Variants in PGAP3 observed in about 807,000 individuals in gnomAD.
PGAP3 encodes the protein post-GPI attachment to proteins phospholipase 3, also known as GPI-specific phospholipase A2-like PGAP3.
A neutral mutation model predicts 40.3 loss-of-function variants in PGAP3; 31 were observed. The observed-to-expected ratio is 0.77, with a 90% CI of 0.58 to 1.04. The LOEUF (loss-of-function observed/expected upper bound fraction) is 1.04. Among genes scored for constraint, PGAP3 ranks in the 50% least tolerant of loss-of-function variants. The probability of loss-of-function intolerance (pLI) is 0.00; values close to 1 mark genes in which losing one functional copy is unlikely to be tolerated. For synonymous variants in PGAP3, 191 were observed against 184.5 expected, an observed-to-expected ratio of 1.04 and a Z score of -0.29; for missense variants, 413 against 423.0, an observed-to-expected ratio of 0.98 and a Z score of 0.21.
rs905818483 is a variant in PGAP3, at chr17:39,682,530, G to T, written c.432+2067C>A. 3.9e-5 allele frequency among the ~76,000 whole-genome samples: 6 copies of T among 152,254 alleles called. 1 individual carries two copies. The South Asian group carries it at 1.2e-3, about 32-fold the overall frequency. On this transcript the variant is annotated intron_variant, in intron 3 of 7. Transcript: ENST00000300658. ...CTGGCATACAGTATGAGCTATGTAT[G>T]TATTTGTTAAGGAAATAAATTTTTA...
At chr17:39,676,150 G>A (rs2057372741) in intron 3 of PGAP3, among the ~76,000 whole-genome samples, 1 of 152,212 alleles carries the variant, frequency 6.6e-6, no homozygotes, top group Non-Finnish European at 1.5e-5. Context: ...CTCAGACACT[G>A]CTCCCACAGT....
At chr17:39,674,369 G>T (rs2057349279) in intron 4 of PGAP3, among the ~76,000 whole-genome samples, 1 of 152,142 alleles carries the variant, frequency 6.6e-6, no homozygotes, top group Admixed American at 6.5e-5. Context: ...CACTGGCTGG[G>T]TGCCCCTAAG....
Position 39,687,932 on chromosome 17 carries a change from A to C in PGAP3, c.83T>G (p.Val28Gly). ...GCACTGCAGTACGCAGTCGCGGTAC[A>C]CCGGCTCACGGTCGCCCTGGGAGCC... ...ASGSQGDREP[V>G]YRDCVLQCEE... Residue 28 changes from valine to glycine, a missense_variant, in exon 1 of 8, where the codon GTG becomes GGG. Transcript: ENST00000300658. The C allele has an allele frequency of 1.3e-6, 2 of 1,494,486 alleles. No individual in the cohort carries two copies. The highest frequency in any genetic ancestry group is 1.8e-6 in the Non-Finnish European group (2 of 1,109,588). The allele number at this position is 1,494,486 out of a possible 1,614,324, so 92.6% of individuals were successfully genotyped here.
In PGAP3 at chr17:39,673,265, A is replaced by G. The variant is rs2057332742; in HGVS notation, c.695-10T>C. 1.3e-6 allele frequency: 2 copies of G among 1,556,502 alleles called. No individual in the cohort carries two copies. The highest frequency in any genetic ancestry group is 1.4e-5 in the African/African-American group (1 of 73,232). ...ACCACGTTGACCAGGCCTGGGTGCC[A>G]GTGGGGGCAGGAGAGACTCATTCCT... On this transcript the variant is annotated splice_polypyrimidine_tract_variant and intron_variant, in intron 6 of 7. Coordinates refer to ENST00000300658, the MANE Select transcript of PGAP3 (RefSeq NM_033419.5).
chr17:39,676,575 CT>C (rs1555609220), intron 3 of PGAP3: 1 of 152,200 alleles, frequency 6.6e-6, no homozygotes, highest in Non-Finnish European at 1.5e-5. Context: ...CCCCTCCCCC[CT>C]GGGGAGCATC....
chr17:39,682,589 A>AAGT (rs1428987519), intron 3 of PGAP3, among the ~76,000 whole-genome samples: 1 of 152,164 alleles, frequency 6.6e-6, no homozygotes, highest in Non-Finnish European at 1.5e-5. Context: ...AACACAGCTC[A>AAGT]AGTGTACTTC....
intron 3 of PGAP3, among the ~76,000 whole-genome samples, chr17:39,679,654 C>T (rs1015950602): frequency 6.6e-6 from 1 of 152,166 alleles, no homozygotes; most frequent in African/African-American, 2.4e-5. Context: ...TGCTTCGCTC[C>T]AAGAGGCCTA....
At position 39,681,958 on chromosome 17, in the gene PGAP3, T is replaced by C. The variant is rs1012490725; in HGVS notation, c.432+2639A>G. Among the ~76,000 whole-genome samples the C allele has an allele frequency of 2.6e-5, 4 of 151,708 alleles. No individual in the cohort carries two copies. In the South Asian group the frequency reaches 6.3e-4, roughly 24 times the overall value. On this transcript the variant is annotated intron_variant, in intron 3 of 7. Transcript: ENST00000300658. ...GATGTGGGCCGGGCGCAGTGGCTCA[T>C]GCCTGTAATCTCAGCACTTTGGGAG...
At position 39,684,803 on chromosome 17, in the gene PGAP3, C is replaced by T. The variant is rs1424145622; in HGVS notation, c.280-54G>A. On this transcript the variant is annotated intron_variant, in intron 2 of 7. Coordinates refer to ENST00000300658, the MANE Select transcript of PGAP3 (RefSeq NM_033419.5). ...GAAGGGCAGGCAACCCTCAACTGGC[C>T]CAGTCCACCTATTCTTGACATGCTG... is the stretch of plus-strand genomic sequence containing the variant. The T allele has an allele frequency of 7.3e-6, 11 of 1,499,054 alleles. No homozygotes were observed. In the African/African-American group the frequency reaches 1.1e-4, roughly 15 times the overall value. The allele number at this position is 1,499,054 out of a possible 1,614,324, so 92.9% of individuals were successfully genotyped here. A position where few individuals can be genotyped will look rare whatever the true frequency, so the allele number is the denominator to read the frequency against.
At chr17:39,687,764 A>AGGCGTATTGGG in intron 1 of PGAP3, 70 bp downstream of exon 1, 1 of 1,177,040 alleles carries the variant, frequency 8.5e-7, no homozygotes, top group African/African-American at 1.7e-5. Flanking sequence ...GGGATTGCAG[A>AGGCGTATTGGG]GGCGTATTGG....
At chr17:39,678,463 C>T (rs776689979) in intron 3 of PGAP3, among the ~76,000 whole-genome samples, 4 of 152,224 alleles carry the variant, frequency 2.6e-5, no homozygotes, top group Non-Finnish European at 5.9e-5. Flanking sequence ...CCACCCGCCG[C>T]CTGGCTGCTC....
At chr17:39,676,185 G>A (rs1045270907) in intron 3 of PGAP3, among the ~76,000 whole-genome samples, 3 of 152,210 alleles carry the variant, frequency 2.0e-5, no homozygotes, top group Admixed American at 6.5e-5. Context: ...GTCAGCATGG[G>A]GAGAGGAGCA....
At position 39,687,984 on chromosome 17, in the gene PGAP3, G is replaced by C; in HGVS notation, c.31C>G (p.Leu11Val). 1.4e-6 allele frequency: 2 copies of C among 1,449,522 alleles called. No homozygotes were observed. Among genetic ancestry groups the C allele is most frequent in the Non-Finnish European group, 1.8e-6 (2 of 1,084,870 alleles). 89.8% of individuals were successfully genotyped at this position (1,449,522 alleles called of 1,614,324 possible). A position where few individuals can be genotyped will look rare whatever the true frequency, so the allele number is the denominator to read the frequency against. The change falls in exon 1 of 8, where the codon CTA becomes GTA. Residue 11 changes from leucine to valine, a missense_variant. Coordinates refer to ENST00000300658, the MANE Select transcript of PGAP3 (RefSeq NM_033419.5). Reference protein sequence around the residue: MAGLAARLVLLAGAAALASGS... With the variant: MAGLAARLVLVAGAAALASGS... ...CTCGCCAGCGCCGCTGCCCCAGCTA[G>C]CAGGACCAACCGCGCCGCCAGGCCG... is the stretch of plus-strand genomic sequence containing the variant.
chr17:39,673,715 G>A (rs2057339564), intron 5 of PGAP3, 65 bp from the exon 6 acceptor site: 4 of 1,592,302 alleles, frequency 2.5e-6, no homozygotes, highest in African/African-American at 2.7e-5. Flanking sequence ...ATTCCCTGAA[G>A]CATCTCCTCC....
In PGAP3 at chr17:39,672,612, T is replaced by C; in HGVS notation, c.*191A>G. ...CTCGAGTCCCAGATGCTGGGAGGCC[T>C]TCCCTAGAACAGACTCCAAGGCTGG... On this transcript the variant is annotated 3_prime_UTR_variant, in exon 8 of 8. Coordinates refer to ENST00000300658, the MANE Select transcript of PGAP3 (RefSeq NM_033419.5). 1.6e-6 allele frequency: 1 copy of C among 628,230 alleles called. No homozygotes were observed. The allele number at this position is 628,230 out of a possible 1,614,324, so 38.9% of individuals were successfully genotyped here.
chr17:39,683,563 C>T (rs2057468867), intron 3 of PGAP3, among the ~76,000 whole-genome samples: 1 of 152,214 alleles, frequency 6.6e-6, no homozygotes, highest in Non-Finnish European at 1.5e-5. Context: ...GAGTGAATGG[C>T]TTCTGTGAGA....
chr17:39,684,545 C>A, intron 3 of PGAP3, 52 bp downstream of exon 3: 1 of 1,545,528 alleles, frequency 6.5e-7, no homozygotes, highest in Non-Finnish European at 8.8e-7. Flanking sequence ...GGATGTAGAG[C>A]TCCACCTTCC....
intron 3 of PGAP3, among the ~76,000 whole-genome samples, chr17:39,682,571 A>G (rs1253650906): frequency 6.6e-6 from 1 of 152,100 alleles, no homozygotes; most frequent in Non-Finnish European, 1.5e-5. Context: ...CTTTAATGTT[A>G]CCTCCAAAAC....
At position 39,684,766 on chromosome 17, in the gene PGAP3, T is replaced by G. The variant is rs375835314; in HGVS notation, c.280-17A>C. On this transcript the variant is annotated splice_polypyrimidine_tract_variant and intron_variant, in intron 2 of 7. Coordinates refer to ENST00000300658, the MANE Select transcript of PGAP3 (RefSeq NM_033419.5). ...GAAGGGCCACTGAAAAAGGAGCAGATGAAGGAGGTTTGAAGGGCAGGCAAC... is the reference window on the plus strand; with the variant it reads ...GAAGGGCCACTGAAAAAGGAGCAGAGGAAGGAGGTTTGAAGGGCAGGCAAC... The G allele has an allele frequency of 2.8e-5, 44 of 1,575,162 alleles. No homozygotes were observed. The African/African-American group carries it at 5.7e-4, about 20-fold the overall frequency.
Sources: allele counts gnomAD v4.1 joint callset (sites outside exome capture counted in the v4.1 genomes callset), GRCh38; gene constraint gnomAD v4.1.1; transcripts MANE v1.5; gene names NCBI Gene and HGNC (gene_info 2026-07-23, HGNC 2026-07-21).